EDIL3: variants seen among roughly 807,000 people sequenced by gnomAD.
EDIL3 encodes EGF like and discoidin domains 3.
In EDIL3, 37 loss-of-function variants were observed where a neutral mutation model predicts 67.4. That is an observed-to-expected ratio of 0.55 (90% CI 0.42 to 0.72). EDIL3 has a LOEUF of 0.72. Ranked by LOEUF, EDIL3 falls within the 30% of genes least tolerant of loss-of-function variation. The pLI, the probability that EDIL3 is intolerant of heterozygous loss-of-function variation, is 0.00. For missense variants in EDIL3, 527 were observed against 586.3 expected (o/e 0.90, Z 1.04); for synonymous variants, 195 against 196.3 (o/e 0.99, Z 0.05).
intron 1 of EDIL3, among the ~76,000 whole-genome samples, chr5:84,338,989 T>C (rs1267171964): frequency 6.6e-6 from 1 of 152,122 alleles, no homozygotes; most frequent in Non-Finnish European, 1.5e-5. Flanking sequence ...TCACTATTCA[T>C]CCCTCCCCTT....
intron 1 of EDIL3, among the ~76,000 whole-genome samples, chr5:84,305,377 A>C (rs1184974944): frequency 6.6e-6 from 1 of 152,184 alleles, no homozygotes; most frequent in Non-Finnish European, 1.5e-5. Flanking sequence ...TGTTCCACAA[A>C]ATTTAGTTCT....
intron 1 of EDIL3, among the ~76,000 whole-genome samples, chr5:84,268,094 G>A (rs1177205254): frequency 1.3e-5 from 2 of 152,042 alleles, no homozygotes; most frequent in East Asian, 1.9e-4. Context: ...CCAAGATCGC[G>A]CCACTGCACT....
intron 1 of EDIL3, 89 bp downstream of exon 1, chr5:84,384,219 G>A: frequency 2.0e-6 from 3 of 1,487,762 alleles, no homozygotes; most frequent in African/African-American, 1.4e-5. Context: ...TTGGCACGCC[G>A]GAGGGACCGC....
chr5:84,173,125 T>C (rs1007068071), intron 4 of EDIL3, among the ~76,000 whole-genome samples: 1 of 152,138 alleles, frequency 6.6e-6, no homozygotes, highest in Non-Finnish European at 1.5e-5. Flanking sequence ...TGGCCATGCA[T>C]GTCTGTGTGG....
At chr5:84,220,362 T>C (rs1168479786) in intron 3 of EDIL3, among the ~76,000 whole-genome samples, 1 of 152,150 alleles carries the variant, frequency 6.6e-6, no homozygotes, top group Non-Finnish European at 1.5e-5. Flanking sequence ...ATAAAGGCTA[T>C]GGGGTAGTTG....
In EDIL3 at chr5:84,371,373, GTATGTGTGTATATA is replaced by G. The variant is rs1202566775; in HGVS notation, c.67+12921_67+12934del. Among the ~76,000 whole-genome samples, 387 of 128,240 alleles carry G rather than the reference GTATGTGTGTATATA, an allele frequency of 3.0e-3. 3 individuals carry two copies. Among genetic ancestry groups the G allele is most frequent in the African/African-American group, 8.9e-3 (333 of 37,386 alleles). 84.1% of individuals were successfully genotyped at this position (128,240 alleles called of 152,430 possible). On this transcript the variant is annotated intron_variant, in intron 1 of 10. Transcript: ENST00000296591. ...TGTGTATATATATGTGTGTATATAT[GTATGTGTGTATATA>G]TATGTGTGTATATATATGTGTGTAT...
intron 10 of EDIL3, among the ~76,000 whole-genome samples, chr5:83,962,421 A>T (rs1230702097): frequency 6.6e-6 from 1 of 151,462 alleles, no homozygotes; most frequent in Non-Finnish European, 1.5e-5. Flanking sequence ...TAAACATCTG[A>T]TCCCAATTAG....
chr5:84,096,220 T>A (rs536166046), intron 6 of EDIL3, among the ~76,000 whole-genome samples: 1 of 152,154 alleles, frequency 6.6e-6, no homozygotes, highest in African/African-American at 2.4e-5. Flanking sequence ...AGGGCCACCA[T>A]CCTAGAGACC....
At chr5:84,156,913 A>G (rs930911206) in intron 4 of EDIL3, among the ~76,000 whole-genome samples, 1 of 152,144 alleles carries the variant, frequency 6.6e-6, no homozygotes, top group Non-Finnish European at 1.5e-5. Flanking sequence ...CATTTGAGAC[A>G]CTAGACCAGA....
chr5:84,080,088 G>A (rs1720096891), intron 6 of EDIL3, among the ~76,000 whole-genome samples: 1 of 127,988 alleles, frequency 7.8e-6, no homozygotes, highest in South Asian at 2.7e-4. Flanking sequence ...TGGCTAACAC[G>A]GTGAAACCCC....
chr5:84,319,088 C>A (rs1746571760), intron 1 of EDIL3, among the ~76,000 whole-genome samples: 1 of 152,104 alleles, frequency 6.6e-6, no homozygotes, highest in African/African-American at 2.4e-5. Flanking sequence ...AAATGCAAAT[C>A]AAAACCACAA....
intron 1 of EDIL3, among the ~76,000 whole-genome samples, chr5:84,363,374 C>T (rs1187006974): frequency 1.3e-5 from 2 of 149,600 alleles, no homozygotes; most frequent in Non-Finnish European, 3.0e-5. Flanking sequence ...CGCTTGAACT[C>T]GGGAAGTGGA....
intron 1 of EDIL3, among the ~76,000 whole-genome samples, chr5:84,344,892 T>A (rs976909364): frequency 6.6e-6 from 1 of 152,114 alleles, no homozygotes; most frequent in Non-Finnish European, 1.5e-5. Flanking sequence ...TTAAACATTT[T>A]ATGTTAGTTC....
At chr5:83,982,502 C>A (rs548602283) in intron 9 of EDIL3, among the ~76,000 whole-genome samples, 44 of 152,024 alleles carry the variant, frequency 2.9e-4, no homozygotes, top group Non-Finnish European at 5.4e-4. Flanking sequence ...TGGCTGTTGT[C>A]TGTAAATATT....
At chr5:84,335,191 G>A (rs1266444116) in intron 1 of EDIL3, among the ~76,000 whole-genome samples, 2 of 152,124 alleles carry the variant, frequency 1.3e-5, no homozygotes, top group Admixed American at 1.3e-4. Context: ...TGTTCAAGAG[G>A]TTTAGTCTGA....
At chr5:84,093,444 C>T (rs765177150) in intron 6 of EDIL3, among the ~76,000 whole-genome samples, 1 of 152,028 alleles carries the variant, frequency 6.6e-6, no homozygotes, top group Non-Finnish European at 1.5e-5. Flanking sequence ...AGATAAAAGG[C>T]AGGGCTTTCA....
intron 8 of EDIL3, among the ~76,000 whole-genome samples, chr5:84,064,192 T>C (rs558538952): frequency 6.4e-4 from 97 of 152,266 alleles, no homozygotes; most frequent in African/African-American, 2.1e-3. Context: ...TATTGAAGTA[T>C]TGAGGAATGA....
rs1746520358 is a variant in EDIL3, at chr5:84,060,400, A to G, written c.1037T>C (p.Met346Thr). ...CCTTGGTTCCCAAGTGAACATGTCC[A>G]TGTTGAGCGTTCTGAAGATGCTGGA... ...TASSIFRTLN[M>T]DMFTWEPRKA... The change falls in exon 9 of 11, where the codon ATG becomes ACG. Residue 346 changes from methionine (M) to threonine (T), a missense_variant. Physicochemically the swap from Met to Thr is moderately conservative, Grantham distance 81. Transcript: ENST00000296591. 6.2e-7 allele frequency: 1 copy of G among 1,613,696 alleles called. No individual in the cohort carries two copies. Among genetic ancestry groups the G allele is most frequent in the African/African-American group, 1.3e-5 (1 of 74,886 alleles).
intron 5 of EDIL3, among the ~76,000 whole-genome samples, chr5:84,117,033 T>TTA (rs1191069981): frequency 7.3e-5 from 10 of 137,128 alleles, no homozygotes; most frequent in African/African-American, 2.7e-4. Context: ...TTTTTTTTTT[T>TTA]TTTTTTTTTT....
Sources: allele counts gnomAD v4.1 joint callset (sites outside exome capture counted in the v4.1 genomes callset), GRCh38; gene constraint gnomAD v4.1.1; transcripts MANE v1.5; gene names NCBI Gene and HGNC (gene_info 2026-07-23, HGNC 2026-07-21).